The following E2F2 variants were observed in gnomAD, a reference collection of about 807,000 sequenced individuals.
E2F2 encodes the protein transcription factor E2F2.
E2F2 carries 22 observed loss-of-function variants against 42.2 expected under a neutral mutation model. That is an observed-to-expected ratio of 0.52 (90% CI 0.37 to 0.74). The LOEUF (loss-of-function observed/expected upper bound fraction) is 0.74, where lower values mean the gene tolerates loss of function less well. Ranked by LOEUF, E2F2 falls within the 30% of genes least tolerant of loss-of-function variation. The pLI, the probability that E2F2 is intolerant of heterozygous loss-of-function variation, is 0.00. For synonymous variants in E2F2, 248 were observed against 251.6 expected, an observed-to-expected ratio of 0.99 and a Z score of 0.13; for missense variants, 481 against 557.8, an observed-to-expected ratio of 0.86 and a Z score of 1.39.
At chr1:23,525,649 C>G (rs1235085170) in intron 1 of E2F2, among the ~76,000 whole-genome samples, 1 of 152,158 alleles carries the variant, frequency 6.6e-6, no homozygotes, top group African/African-American at 2.4e-5. Context: ...TTATTTAGCT[C>G]CCTGTCTGCA....
intron 4 of E2F2, among the ~76,000 whole-genome samples, chr1:23,519,747 T>C (rs1056566993): frequency 1.3e-5 from 2 of 152,008 alleles, no homozygotes; most frequent in East Asian, 1.9e-4. Flanking sequence ...CTGGCCAACA[T>C]GGTGAAACTC....
intron 3 of E2F2, 197 bp downstream of exon 3, chr1:23,521,640 T>A (rs1643150836): frequency 1.0e-6 from 1 of 985,278 alleles, no homozygotes; most frequent in African/African-American, 1.7e-5. Context: ...TACACGGCGC[T>A]CTTCCTCACC....
chr1:23,521,963 C>G lies in E2F2; in HGVS notation c.452G>C (p.Gly151Ala). 6.2e-7 allele frequency: 1 copy of G among 1,614,204 alleles called. No homozygotes were observed. Among genetic ancestry groups the G allele is most frequent in the South Asian group, 1.1e-5 (1 of 91,076 alleles). The change falls in exon 3 of 7, where the codon GGG becomes GCG. Residue 151 changes from glycine (G) to alanine (A), a missense_variant. Coordinates refer to ENST00000361729, the MANE Select transcript of E2F2 (RefSeq NM_004091.4). ...AGCGGCCCAGTTCAGGTCCAGGACC[C>G]CATCCTCTGACTCGCTCAGGAGGTA... ...FIYLLSESED[G>A]VLDLNWAAEV...
intron 2 of E2F2, 56 bp downstream of exon 2, chr1:23,524,327 C>T (rs1012818718): frequency 2.2e-6 from 3 of 1,337,938 alleles, no homozygotes; most frequent in South Asian, 1.3e-5. Context: ...TTGGGCAGGG[C>T]ACTGCCCTCT....
intron 5 of E2F2, among the ~76,000 whole-genome samples, chr1:23,518,639 A>C (rs1172795269): frequency 6.6e-6 from 1 of 152,110 alleles, no homozygotes; most frequent in Admixed American, 6.5e-5. Context: ...GTCTCAGAGC[A>C]CCGAAGCCTC....
rs985523884 is a variant in E2F2 at position 23,531,070 on chromosome 1, C to T, written c.-277G>A. 1 of 359,884 alleles carries T rather than the reference C, an allele frequency of 2.8e-6. No individual in the cohort carries two copies. The highest frequency in any genetic ancestry group is 5.0e-6 in the Non-Finnish European group (1 of 201,722). The allele number at this position is 359,884 out of a possible 1,614,324, so 22.3% of individuals were successfully genotyped here. On this transcript the variant is annotated 5_prime_UTR_variant, in exon 1 of 7. Transcript: ENST00000361729. ...CGAGGGCACCGCGACCCGGGACGCC[C>T]CGCGCTCCCCAAGGCCTCGGCACCT...
At chr1:23,515,651 G>A (rs1289948497) in intron 6 of E2F2, among the ~76,000 whole-genome samples, 2 of 152,106 alleles carry the variant, frequency 1.3e-5, no homozygotes, top group Non-Finnish European at 2.9e-5. Context: ...TTCCCAGAGT[G>A]CTGGGATTAT....
rs1643320984 is a variant in E2F2, at chr1:23,530,543, G to A, written c.251C>T (p.Pro84Leu). 1.2e-6 allele frequency: 2 copies of A among 1,609,622 alleles called. No individual in the cohort carries two copies. The highest frequency in any genetic ancestry group is 1.7e-5 in the Admixed American group (1 of 59,872). Residue 84 changes from proline (P) to leucine (L), a missense_variant and splice_region_variant, in exon 1 of 7, where the codon CCG (proline) becomes CTG (leucine). Coordinates refer to ENST00000361729, the MANE Select transcript of E2F2 (RefSeq NM_004091.4). This position sits in a 1 kb window ranked among gnomAD's most constrained non-coding sequence, Gnocchi z 4.4. ...AGCGGTGGGGGCCCCCAGCATTACC[G>A]GCAGCCGGCCTGCCGGCAGGCATCG... ...VVRCLPAGRL[P>L]AKRKLDLEGI...
chr1:23,528,239 T>C (rs1276388111), intron 1 of E2F2, among the ~76,000 whole-genome samples: 1 of 152,192 alleles, frequency 6.6e-6, no homozygotes, highest in Non-Finnish European at 1.5e-5. Context: ...GTTGTGGCCT[T>C]CATTCTGCCA....
At chr1:23,514,704 G>A (rs1642982932) in intron 6 of E2F2, among the ~76,000 whole-genome samples, 1 of 151,614 alleles carries the variant, frequency 6.6e-6, no homozygotes, top group Admixed American at 6.6e-5. Flanking sequence ...GGGTGTGATG[G>A]CGGGCACCTG....
In E2F2 at chr1:23,509,765, C is replaced by T. The variant is rs1570450989; in HGVS notation, c.*115G>A. 4.9e-6 allele frequency: 7 copies of T among 1,425,472 alleles called. No homozygotes were observed. In the East Asian group the frequency reaches 1.9e-4, roughly 38 times the overall value. The allele number at this position is 1,425,472 out of a possible 1,614,324, so 88.3% of individuals were successfully genotyped here. ...CTGGGGCAGGAAAGGCGAGGAGACCCCATGCCCTGAGGGCAGCACCTAGTG... is the reference window on the plus strand; with the variant it reads ...CTGGGGCAGGAAAGGCGAGGAGACCTCATGCCCTGAGGGCAGCACCTAGTG... On this transcript the variant is annotated 3_prime_UTR_variant, in exon 7 of 7. Transcript: ENST00000361729.
At chr1:23,520,554 G>C (rs928916263) in intron 4 of E2F2, among the ~76,000 whole-genome samples, 1 of 151,904 alleles carries the variant, frequency 6.6e-6, no homozygotes, top group African/African-American at 2.4e-5. Flanking sequence ...GACCAGCCTG[G>C]GCAACAAAGC....
intron 6 of E2F2, among the ~76,000 whole-genome samples, chr1:23,510,404 C>G (rs532915732): frequency 6.6e-6 from 1 of 152,156 alleles, no homozygotes; most frequent in Non-Finnish European, 1.5e-5. Context: ...TGGTTCACTG[C>G]AACCTCTGCC....
At chr1:23,513,562 ATGTGTGTGTG>A (rs71023281) in intron 6 of E2F2, among the ~76,000 whole-genome samples, 25,350 of 135,120 alleles carry the variant, frequency 0.19, 2,566 homozygotes, top group East Asian at 0.4. Context: ...AGCACGGAAC[ATGTGTGTGTG>A]TGTGTGTGTG....
At chr1:23,528,512 G>A (rs1405394309) in intron 1 of E2F2, among the ~76,000 whole-genome samples, 1 of 152,186 alleles carries the variant, frequency 6.6e-6, no homozygotes, top group African/African-American at 2.4e-5. Context: ...GTGGTCTGCT[G>A]CAAGGAGACT....
At position 23,527,457 on chromosome 1, in the gene E2F2, G is replaced by GC. The variant is rs142275462; in HGVS notation, c.253-2970dup. 2.9e-3 allele frequency among the ~76,000 whole-genome samples: 443 copies of GC among 152,328 alleles called. 3 individuals carry two copies. Among genetic ancestry groups the GC allele is most frequent in the Middle Eastern group, 0.01 (3 of 294 alleles). ...CCTGGTCAGGACGCAAGCCCACCCT[G>GC]CCAACCCCTATGGAGAAGAGTACAG... is the stretch of plus-strand genomic sequence containing the variant. On this transcript the variant is annotated intron_variant, in intron 1 of 6. Transcript: ENST00000361729.
chr1:23,521,823 GC>G lies in E2F2; in HGVS notation c.578+13del. 6.2e-7 allele frequency: 1 copy of G among 1,613,030 alleles called. No individual in the cohort carries two copies. Among genetic ancestry groups the G allele is most frequent in the Non-Finnish European group, 8.5e-7 (1 of 1,179,776 alleles). On this transcript the variant is annotated intron_variant, in intron 3 of 6. Transcript: ENST00000361729. ...TACCCATTGGAGGGTACCACTGGCC[GC>G]CCAGGCACTCACACCCACTGGATGT...
rs1642814081 is a variant in E2F2 at position 23,507,184 on chromosome 1, T to C, written c.*2696A>G. 1 of 152,018 alleles carries C rather than the reference T, an allele frequency of 6.6e-6. No homozygotes were observed. The highest frequency in any genetic ancestry group is 2.1e-4 in the South Asian group (1 of 4,820). 9.4% of individuals were successfully genotyped at this position (152,018 alleles called of 1,614,324 possible). ...TTTACCTCAGAAAGACACTGGCTTTTCTCTTACCCTCGTTTTAAAGTCTAC... is the reference window on the plus strand; with the variant it reads ...TTTACCTCAGAAAGACACTGGCTTTCCTCTTACCCTCGTTTTAAAGTCTAC... On this transcript the variant is annotated 3_prime_UTR_variant, in exon 7 of 7. Transcript: ENST00000361729.
At chr1:23,521,459 G>A (rs773861274) in intron 3 of E2F2, 40 of 754,348 alleles carry the variant, frequency 5.3e-5, no homozygotes, top group Non-Finnish European at 6.1e-5. Flanking sequence ...GATCTGGAAG[G>A]AGTCCGGGAT....
Sources: allele counts gnomAD v4.1 joint callset (sites outside exome capture counted in the v4.1 genomes callset), GRCh38; gene constraint gnomAD v4.1.1; non-coding constraint Gnocchi (gnomAD v3.1); transcripts MANE v1.5; gene names NCBI Gene and HGNC (gene_info 2026-07-23, HGNC 2026-07-21).